Variants in AFF3 observed in about 807,000 individuals in gnomAD.
The protein encoded by AFF3 is AF4/FMR2 family member 3.
A neutral mutation model predicts 129.7 loss-of-function variants in AFF3; 32 were observed. The ratio of observed to expected loss-of-function variants is 0.25; its 90% CI spans 0.19 to 0.33. AFF3 has a LOEUF of 0.33. Among genes scored for constraint, AFF3 ranks in the 10% least tolerant of loss-of-function variants. The pLI is 1.00. For synonymous variants in AFF3, 644 were observed against 635.4 expected (o/e 1.01, Z -0.20); for missense variants, 1,373 against 1,592.0 (o/e 0.86, Z 2.34).
chr2:99,813,383 T>C (rs1016480986), intron 8 of AFF3, among the ~76,000 whole-genome samples: 4 of 152,200 alleles, frequency 2.6e-5, no homozygotes, highest in African/African-American at 9.7e-5. Context: ...CTTTAAGTAG[T>C]AGTACTGGGA....
intron 4 of AFF3, among the ~76,000 whole-genome samples, chr2:100,087,585 C>T (rs1689547948): frequency 6.6e-6 from 1 of 151,820 alleles, no homozygotes; most frequent in Non-Finnish European, 1.5e-5. Flanking sequence ...ACAGGACTAT[C>T]ATTCAGAGAA....
rs932126440 is a variant in AFF3 at position 99,952,670 on chromosome 2, G to A, written c.873+53962C>T. Among the ~76,000 whole-genome samples the A allele has an allele frequency of 1.9e-4, 29 of 152,236 alleles. 1 individual carries two copies. The highest frequency in any genetic ancestry group is 6.8e-3 in the Middle Eastern group (2 of 294). On this transcript the variant is annotated intron_variant, in intron 7 of 24. Coordinates refer to ENST00000672756, the MANE Select transcript of AFF3 (RefSeq NM_001386135.1). ...AATTATATTAAAAACTCATCTTAAC[G>A]ATACTATTTATGATGAAAAGGGTGA...
intron 12 of AFF3, among the ~76,000 whole-genome samples, chr2:99,672,260 G>C (rs1426794960): frequency 6.8e-6 from 1 of 148,044 alleles, no homozygotes; most frequent in East Asian, 2.0e-4. Context: ...AAAAAAAAAG[G>C]CTCTGTCTAC....
At chr2:99,826,992 T>G (rs935730308) in intron 8 of AFF3, among the ~76,000 whole-genome samples, 1 of 151,506 alleles carries the variant, frequency 6.6e-6, no homozygotes, top group African/African-American at 2.4e-5. Flanking sequence ...GGTGAGGAAC[T>G]GAACATGGTG....
At chr2:99,843,546 A>G (rs921871315) in intron 7 of AFF3, among the ~76,000 whole-genome samples, 1 of 152,206 alleles carries the variant, frequency 6.6e-6, no homozygotes, top group Non-Finnish European at 1.5e-5. Flanking sequence ...ATCCATCCCT[A>G]TTTTTCCTAA....
intron 1 of AFF3, among the ~76,000 whole-genome samples, chr2:100,138,908 GC>G (rs993423857): frequency 4.3e-5 from 6 of 140,048 alleles, no homozygotes; most frequent in Non-Finnish European, 9.0e-5. Flanking sequence ...TCATGGCACT[GC>G]TCTCCAGCCT....
intron 11 of AFF3, among the ~76,000 whole-genome samples, chr2:99,714,604 G>T (rs1678208401): frequency 6.6e-6 from 1 of 152,156 alleles, no homozygotes; most frequent in Admixed American, 6.5e-5. Context: ...TATATTGCTA[G>T]AGCCAAAATA....
chr2:100,072,623 G>C (rs1240261865), intron 4 of AFF3, among the ~76,000 whole-genome samples: 1 of 152,120 alleles, frequency 6.6e-6, no homozygotes, highest in Non-Finnish European at 1.5e-5. Context: ...GCCCATTTCA[G>C]ACCAAGAAGG....
At chr2:100,123,421 CA>C (rs1162157104) in intron 2 of AFF3, among the ~76,000 whole-genome samples, 1 of 152,058 alleles carries the variant, frequency 6.6e-6, no homozygotes, top group African/African-American at 2.4e-5. Flanking sequence ...TCGATATTAA[CA>C]AAAAATAGAG....
rs530715016 is a variant in AFF3, at chr2:99,713,005, G to T, written c.1091+14072C>A. ...AGACACGCAAGGACAAATACTGTAT[G>T]ATTCCACTTATATGAGGTCCCCAGA... is the stretch of plus-strand genomic sequence containing the variant. On this transcript the variant is annotated intron_variant, in intron 11 of 24. Coordinates refer to ENST00000672756, the MANE Select transcript of AFF3 (RefSeq NM_001386135.1). 9.5e-4 allele frequency among the ~76,000 whole-genome samples: 145 copies of T among 152,308 alleles called. 1 individual carries two copies. Among genetic ancestry groups the T allele is most frequent in the Middle Eastern group, 3.4e-3 (1 of 294 alleles).
At chr2:99,757,258 G>A (rs753465458) in intron 8 of AFF3, among the ~76,000 whole-genome samples, 2 of 152,122 alleles carry the variant, frequency 1.3e-5, no homozygotes, top group Non-Finnish European at 2.9e-5. Flanking sequence ...GATGTCTACT[G>A]AGCCACTCAA....
chr2:99,847,075 C>T (rs564859574), intron 7 of AFF3, among the ~76,000 whole-genome samples: 2 of 152,296 alleles, frequency 1.3e-5, no homozygotes, highest in East Asian at 3.9e-4. Flanking sequence ...GAGAAACTGG[C>T]ACTTTTTTTG....
Position 99,584,447 on chromosome 2 carries a change from C to T in AFF3, c.2592-1448G>A, listed in dbSNP as rs7605228. ...TTGCGCCACTGCACTCCAGCATGGGCGACAGAATAAGACTCCGTCTCCAAA... is the reference window on the plus strand; with the variant it reads ...TTGCGCCACTGCACTCCAGCATGGGTGACAGAATAAGACTCCGTCTCCAAA... On this transcript the variant is annotated intron_variant, in intron 16 of 24. Transcript: ENST00000672756. 1.3e-4 allele frequency among the ~76,000 whole-genome samples: 19 copies of T among 151,974 alleles called. No individual in the cohort carries two copies. In the South Asian group the frequency reaches 1.5e-3, roughly 12 times the overall value.
intron 13 of AFF3, among the ~76,000 whole-genome samples, chr2:99,607,056 CT>C (rs111926817): frequency 0.031 from 4,662 of 151,514 alleles, 219 homozygotes; most frequent in African/African-American, 0.11. Flanking sequence ...GGTTTGTTTA[CT>C]TTTTGCATTT....
intron 8 of AFF3, among the ~76,000 whole-genome samples, chr2:99,807,073 T>C (rs1686409921): frequency 6.6e-6 from 1 of 152,176 alleles, no homozygotes; most frequent in Admixed American, 6.5e-5. Flanking sequence ...TTGTGTGGTG[T>C]TACTGGCGCC....
intron 4 of AFF3, among the ~76,000 whole-genome samples, chr2:100,018,796 G>T (rs560276448): frequency 6.6e-6 from 1 of 151,924 alleles, no homozygotes; most frequent in Non-Finnish European, 1.5e-5. Context: ...ATTTCAAAGA[G>T]CTCCCTTCCC....
chr2:100,021,382 T>C (rs1683586552), intron 4 of AFF3, among the ~76,000 whole-genome samples: 1 of 152,194 alleles, frequency 6.6e-6, no homozygotes, highest in Non-Finnish European at 1.5e-5. Context: ...TAAAACAGTA[T>C]AAGATACATT....
chr2:99,991,973 G>T (rs901204443), intron 7 of AFF3, among the ~76,000 whole-genome samples: 4 of 151,350 alleles, frequency 2.6e-5, no homozygotes, highest in Admixed American at 6.6e-5. Context: ...AGATTAAATG[G>T]AACTTTTCCA....
At chr2:99,712,194 G>C (rs1306408436) in intron 11 of AFF3, among the ~76,000 whole-genome samples, 1 of 152,154 alleles carries the variant, frequency 6.6e-6, no homozygotes, top group Admixed American at 6.5e-5. Context: ...CAGTTCTTTG[G>C]GTTAAAACTT....
Sources: gnomAD v4.1 joint callset for allele counts (sites outside exome capture counted in the v4.1 genomes callset) on GRCh38, gnomAD v4.1.1 for gene constraint, MANE v1.5 for transcripts, NCBI Gene and HGNC (gene_info 2026-07-23, HGNC 2026-07-21) for gene names.